Variants in C2CD2 observed in about 807,000 individuals in gnomAD.
C2CD2 encodes C2 domain-containing protein 2.
C2CD2 carries 43 observed loss-of-function variants against 74.3 expected under a neutral mutation model. The observed-to-expected ratio is 0.58, with a 90% CI of 0.45 to 0.75. The LOEUF (loss-of-function observed/expected upper bound fraction) is 0.75. Ranked by LOEUF, C2CD2 falls within the 30% of genes least tolerant of loss-of-function variation. C2CD2 has a pLI of 0.00. For synonymous variants in C2CD2, 422 were observed against 390.7 expected, an observed-to-expected ratio of 1.08 and a Z score of -0.94; for missense variants, 801 against 916.3, an observed-to-expected ratio of 0.87 and a Z score of 1.63.
intron 8 of C2CD2, chr21:41,908,183 GA>G: frequency 3.8e-6 from 1 of 261,838 alleles, no homozygotes; most frequent in Non-Finnish European, 7.3e-6. Context: ...CCATTCCTGG[GA>G]AAATACACAC....
chr21:41,949,155 C>G (rs1481731840), intron 1 of C2CD2, among the ~76,000 whole-genome samples: 2 of 152,120 alleles, frequency 1.3e-5, no homozygotes, highest in Admixed American at 1.3e-4. Flanking sequence ...GGGCAGCCCA[C>G]GGGCAGCGGC....
chr21:41,952,700 C>G (rs1272684668), intron 1 of C2CD2, among the ~76,000 whole-genome samples: 2 of 152,258 alleles, frequency 1.3e-5, no homozygotes, highest in African/African-American at 2.4e-5. Context: ...GCCAGGGCAG[C>G]TGGATTCACA....
chr21:41,906,502 A>T (rs947721490), intron 10 of C2CD2, among the ~76,000 whole-genome samples: 2 of 151,988 alleles, frequency 1.3e-5, no homozygotes. Flanking sequence ...AGTGGCTAGG[A>T]CTCCACGCAC....
intron 13 of C2CD2, among the ~76,000 whole-genome samples, chr21:41,896,347 T>C (rs1183733458): frequency 6.6e-6 from 1 of 152,212 alleles, no homozygotes; most frequent in Non-Finnish European, 1.5e-5. Context: ...CTGAGCCATC[T>C]ACAGACACCA....
chr21:41,922,194 TG>T, intron 2 of C2CD2, 109 bp from the exon 3 acceptor site: 1 of 660,834 alleles, frequency 1.5e-6, no homozygotes, highest in South Asian at 1.8e-5. Context: ...GGTCTCACTC[TG>T]TCGCCCAGGC....
intron 2 of C2CD2, among the ~76,000 whole-genome samples, chr21:41,935,935 T>A (rs901557305): frequency 1.3e-5 from 2 of 151,726 alleles, no homozygotes; most frequent in Non-Finnish European, 2.9e-5. Flanking sequence ...CACACATATA[T>A]AAAAATCAAC....
rs928397897 is a variant in C2CD2, at chr21:41,945,780, C to T, written c.280-3535G>A. On this transcript the variant is annotated intron_variant, in intron 1 of 13. Transcript: ENST00000380486. The surrounding 1 kb of genome is among the most constrained non-coding windows in gnomAD (Gnocchi z 4.2). ...AAGTTCCTCCTTCCTTCTTCCCTCT[C>T]CTGCCGCCTTATGAAGAAGGTGACG... 3.9e-5 allele frequency among the ~76,000 whole-genome samples: 6 copies of T among 152,248 alleles called. No individual in the cohort carries two copies. The highest frequency in any genetic ancestry group is 2.1e-4 in the South Asian group (1 of 4,814).
intron 1 of C2CD2, chr21:41,942,853 C>T: frequency 4.6e-6 from 2 of 438,092 alleles, no homozygotes; most frequent in Non-Finnish European, 6.1e-6. Flanking sequence ...CGCCTGGTGG[C>T]TGCCCACAGA....
chr21:41,927,540 G>A (rs529960545), intron 2 of C2CD2, among the ~76,000 whole-genome samples: 13 of 152,084 alleles, frequency 8.5e-5, no homozygotes, highest in South Asian at 6.3e-4. Flanking sequence ...GCAGGATCTC[G>A]GCTCACCAAA....
At position 41,903,595 on chromosome 21, in the gene C2CD2, G is replaced by A. The variant is rs139260474; in HGVS notation, c.1433-1846C>T. ...ACTGACCCACACTGAGAAGAGAGAA[G>A]TGCTGGAGAAAGGAGTTGGGGAGGA... On this transcript the variant is annotated intron_variant, in intron 11 of 13. Transcript: ENST00000380486. This position sits in a 1 kb window ranked among gnomAD's most constrained non-coding sequence, Gnocchi z 4.5. 4.3e-4 allele frequency among the ~76,000 whole-genome samples: 66 copies of A among 152,344 alleles called. No homozygotes were observed. Among genetic ancestry groups the A allele is most frequent in the African/African-American group, 1.4e-3 (60 of 41,584 alleles).
intron 2 of C2CD2, among the ~76,000 whole-genome samples, chr21:41,925,667 A>G (rs1601589180): frequency 6.6e-6 from 1 of 152,346 alleles, no homozygotes; most frequent in African/African-American, 2.4e-5. Flanking sequence ...CTTTTAGTGT[A>G]TTAAGGTGTT....
In C2CD2 at chr21:41,916,144, A is replaced by G. The variant is rs574782118; in HGVS notation, c.721-1423T>C. 4.6e-5 allele frequency among the ~76,000 whole-genome samples: 7 copies of G among 152,300 alleles called. No individual in the cohort carries two copies. In the East Asian group the frequency reaches 1.4e-3, roughly 29 times the overall value. On this transcript the variant is annotated intron_variant, in intron 5 of 13. Transcript: ENST00000380486. ...GCCGAAATCCCTGAAATCCAAGGAC[A>G]TGAGCACTGGGGACAGAGCAATCTA...
At chr21:41,910,040 C>T (rs145169968) in intron 7 of C2CD2, among the ~76,000 whole-genome samples, 116 of 151,954 alleles carry the variant, frequency 7.6e-4, no homozygotes, top group Non-Finnish European at 1.4e-3. Context: ...TGCTACGTTG[C>T]CCAGGCTGGT....
intron 1 of C2CD2, among the ~76,000 whole-genome samples, chr21:41,952,278 C>T (rs1246444309): frequency 3.3e-5 from 5 of 152,222 alleles, no homozygotes; most frequent in Non-Finnish European, 5.9e-5. Context: ...TGGCTGCTAA[C>T]TGATAGTCAA....
chr21:41,907,915 G>T (rs542277141), intron 8 of C2CD2, 131 bp from the exon 9 acceptor site: 3 of 874,008 alleles, frequency 3.4e-6, no homozygotes, highest in Admixed American at 4.8e-5. Flanking sequence ...AAGTGCTCAC[G>T]TTTCAGAATG....
chr21:41,936,582 A>T (rs2065308905), intron 2 of C2CD2, among the ~76,000 whole-genome samples: 1 of 152,172 alleles, frequency 6.6e-6, no homozygotes, highest in South Asian at 2.1e-4. Context: ...CAGCAGTCCC[A>T]CTACTGGGTA....
chr21:41,899,628 A>G lies in C2CD2; in HGVS notation c.1561-266T>C, dbSNP rs2839417. 0.3 allele frequency among the ~76,000 whole-genome samples: 45,377 copies of G among 151,732 alleles called. 6,848 individuals carry two copies. The highest frequency in any genetic ancestry group is 0.4 in the Middle Eastern group (117 of 294). ...CTCAGAGGTTAACCCTCTTCCTCTCACAGATGGGCCTAGCGGTGGGAGCGT... is the reference window on the plus strand; with the variant it reads ...CTCAGAGGTTAACCCTCTTCCTCTCGCAGATGGGCCTAGCGGTGGGAGCGT... On this transcript the variant is annotated intron_variant, in intron 12 of 13. Transcript: ENST00000380486. The surrounding 1 kb of genome is among the most constrained non-coding windows in gnomAD (Gnocchi z 4.4).
Position 41,888,998 on chromosome 21 carries a change from T to G in C2CD2, c.*126A>C. On this transcript the variant is annotated 3_prime_UTR_variant, in exon 14 of 14. Coordinates refer to ENST00000380486, the MANE Select transcript of C2CD2 (RefSeq NM_015500.2). ...TTTGTTTTCCCTTTAAATGACGAGA[T>G]GGTTGGAAGAAACCCAGCAAGACAA... The G allele has an allele frequency of 1.4e-6, 1 of 723,576 alleles. No homozygotes were observed. The highest frequency in any genetic ancestry group is 2.7e-5 in the East Asian group (1 of 36,920). The allele number at this position is 723,576 out of a possible 1,614,324, so 44.8% of individuals were successfully genotyped here. A position where few individuals can be genotyped will look rare whatever the true frequency, so the allele number is the denominator to read the frequency against.
chr21:41,936,818 T>C (rs1007102234), intron 2 of C2CD2, among the ~76,000 whole-genome samples: 2 of 42,796 alleles, frequency 4.7e-5, no homozygotes, highest in Non-Finnish European at 1.6e-4. Flanking sequence ...TCTTTTCCTT[T>C]TTTTTTTTTT....
Sources: allele counts gnomAD v4.1 joint callset (sites outside exome capture counted in the v4.1 genomes callset), GRCh38; gene constraint gnomAD v4.1.1; non-coding constraint Gnocchi (gnomAD v3.1); transcripts MANE v1.5; gene names NCBI Gene and HGNC (gene_info 2026-07-23, HGNC 2026-07-21).